The following ELAVL2 variants were observed in gnomAD, a reference collection of about 807,000 sequenced individuals.
ELAVL2 encodes ELAV-like protein 2.
Under a neutral mutation model 34.6 loss-of-function variants are expected in ELAVL2, and 4 were observed. That is an observed-to-expected ratio of 0.12 (90% CI 0.06 to 0.26). ELAVL2 has a LOEUF of 0.26. Ranked by LOEUF, ELAVL2 falls within the 10% of genes least tolerant of loss-of-function variation. ELAVL2 has a pLI of 1.00. For synonymous variants in ELAVL2, 193 were observed against 154.8 expected (o/e 1.25, Z -1.83); for missense variants, 432 against 442.8 (o/e 0.98, Z 0.22).
rs867023745 is a variant in ELAVL2, at chr9:23,759,769, T to C, written c.229+2237A>G. 1.4e-3 allele frequency among the ~76,000 whole-genome samples: 188 copies of C among 135,026 alleles called. 4 individuals carry two copies. The highest frequency in any genetic ancestry group is 4.6e-3 in the African/African-American group (168 of 36,906). The allele number at this position is 135,026 out of a possible 152,430, so 88.6% of individuals were successfully genotyped here. A position where few individuals can be genotyped will look rare whatever the true frequency, so the allele number is the denominator to read the frequency against. ...ATATATAGTATTATATATATATATA[T>C]ATATATATATATATATATATAATGT... On this transcript the variant is annotated intron_variant, in intron 2 of 6. Coordinates refer to ENST00000397312, the MANE Select transcript of ELAVL2 (RefSeq NM_004432.5).
intron 2 of ELAVL2, among the ~76,000 whole-genome samples, chr9:23,741,674 C>T (rs188045754): frequency 6.6e-6 from 1 of 152,226 alleles, no homozygotes; most frequent in East Asian, 1.9e-4. Context: ...TCCACCACCA[C>T]TGAGCCAAAG....
intron 3 of ELAVL2, among the ~76,000 whole-genome samples, chr9:23,706,921 C>T (rs1175441495): frequency 4.6e-5 from 7 of 152,148 alleles, no homozygotes; most frequent in Non-Finnish European, 8.8e-5. Flanking sequence ...CACACCCCTG[C>T]CCCAATGGTG....
chr9:23,795,584 T>A (rs906336298), intron 1 of ELAVL2, among the ~76,000 whole-genome samples: 9 of 152,086 alleles, frequency 5.9e-5, no homozygotes, highest in Non-Finnish European at 1.3e-4. Flanking sequence ...AAAACAACAT[T>A]GTAAGTACTG....
At chr9:23,717,213 T>A (rs896016009) in intron 3 of ELAVL2, among the ~76,000 whole-genome samples, 4 of 152,198 alleles carry the variant, frequency 2.6e-5, no homozygotes, top group Non-Finnish European at 5.9e-5. Context: ...AATATAATGA[T>A]CCTTTCCTCT....
chr9:23,725,270 C>T (rs1274402504), intron 3 of ELAVL2, among the ~76,000 whole-genome samples: 1 of 152,184 alleles, frequency 6.6e-6, no homozygotes, highest in African/African-American at 2.4e-5. Context: ...CCAGAACACA[C>T]TTCTATAACG....
chr9:23,694,700 G>C (rs964456971), intron 5 of ELAVL2, among the ~76,000 whole-genome samples: 1 of 152,186 alleles, frequency 6.6e-6, no homozygotes, highest in African/African-American at 2.4e-5. Context: ...CATCTCATCT[G>C]GTCTTTCAGA....
At chr9:23,718,404 A>G (rs1434496475) in intron 3 of ELAVL2, among the ~76,000 whole-genome samples, 1 of 152,160 alleles carries the variant, frequency 6.6e-6, no homozygotes, top group Admixed American at 6.5e-5. Context: ...ACATACACAA[A>G]GAAGTTAGGA....
At chr9:23,753,237 C>T (rs1045828102) in intron 2 of ELAVL2, among the ~76,000 whole-genome samples, 3 of 152,112 alleles carry the variant, frequency 2.0e-5, no homozygotes, top group Admixed American at 1.3e-4. Context: ...CAGCTCTCAA[C>T]GTTCAGTAGC....
chr9:23,814,498 G>GA (rs1247078980), intron 1 of ELAVL2, among the ~76,000 whole-genome samples: 1 of 152,148 alleles, frequency 6.6e-6, no homozygotes, highest in Non-Finnish European at 1.5e-5. Flanking sequence ...GGGAAGAGAT[G>GA]AAAGTCAAAA....
At chr9:23,833,541 C>A in the ELAVL2 span, among the ~76,000 whole-genome samples, 14 of 151,556 alleles carry the variant, frequency 9.2e-5, no homozygotes, top group African/African-American at 3.4e-4. Flanking sequence ...CATTTCAAAA[C>A]TAAGATAATT....
intron 3 of ELAVL2, among the ~76,000 whole-genome samples, chr9:23,714,266 A>G (rs113488840): frequency 0.015 from 2,335 of 152,314 alleles, 51 homozygotes; most frequent in Non-Finnish European, 0.02. Flanking sequence ...TGAGGTCAGG[A>G]AAGATGACAC....
intron 2 of ELAVL2, among the ~76,000 whole-genome samples, chr9:23,751,824 C>T (rs1051728216): frequency 3.3e-5 from 5 of 152,160 alleles, no homozygotes; most frequent in African/African-American, 1.2e-4. Context: ...AACATTCACA[C>T]AATACCACAT....
intron 1 of ELAVL2, among the ~76,000 whole-genome samples, chr9:23,819,976 C>A (rs2064310534): frequency 6.6e-6 from 1 of 152,152 alleles, no homozygotes; most frequent in African/African-American, 2.4e-5. Context: ...GCCCCTACCA[C>A]AAATGCAGTA....
intron 3 of ELAVL2, among the ~76,000 whole-genome samples, chr9:23,709,255 T>C (rs1284199401): frequency 1.3e-5 from 2 of 152,146 alleles, no homozygotes; most frequent in Non-Finnish European, 2.9e-5. Flanking sequence ...CCTCCCTTCC[T>C]GGAAAACATT....
At chr9:23,847,666 A>T in the ELAVL2 span, among the ~76,000 whole-genome samples, 1 of 152,174 alleles carries the variant, frequency 6.6e-6, no homozygotes, top group African/African-American at 2.4e-5. Flanking sequence ...GTAGAAAAAA[A>T]TTGGTAAGTG....
intron 2 of ELAVL2, among the ~76,000 whole-genome samples, chr9:23,748,698 A>G (rs1006227645): frequency 2.0e-5 from 3 of 152,168 alleles, no homozygotes; most frequent in Non-Finnish European, 2.9e-5. Flanking sequence ...CGTTTCTTTT[A>G]CGGGGAATGT....
intron 3 of ELAVL2, among the ~76,000 whole-genome samples, chr9:23,711,240 A>T (rs1192159581): frequency 1.3e-5 from 2 of 152,210 alleles, no homozygotes; most frequent in Non-Finnish European, 2.9e-5. Flanking sequence ...GGATATTCCA[A>T]AATATAGGAT....
At chr9:23,727,577 C>A (rs903224623) in intron 3 of ELAVL2, among the ~76,000 whole-genome samples, 1 of 152,070 alleles carries the variant, frequency 6.6e-6, no homozygotes, top group African/African-American at 2.4e-5. Flanking sequence ...CTTAGACTTG[C>A]TGTCATAAAT....
chr9:23,805,827 C>CTG (rs1277922816), intron 1 of ELAVL2, among the ~76,000 whole-genome samples: 1 of 152,200 alleles, frequency 6.6e-6, no homozygotes, highest in Non-Finnish European at 1.5e-5. Context: ...CAAACACAGT[C>CTG]ATTTCAGTCC....
Sources: gnomAD v4.1 joint callset for allele counts (sites outside exome capture counted in the v4.1 genomes callset) on GRCh38, gnomAD v4.1.1 for gene constraint, MANE v1.5 for transcripts, NCBI Gene and HGNC (gene_info 2026-07-23, HGNC 2026-07-21) for gene names.